The following EVC variants were observed in gnomAD, a reference collection of about 807,000 sequenced individuals.
EVC encodes the protein evC complex member EVC.
In EVC, 116 loss-of-function variants were observed where a neutral mutation model predicts 118.9. The ratio of observed to expected loss-of-function variants is 0.98; its 90% CI spans 0.84 to 1.14. The LOEUF is 1.14. Among genes scored for constraint, EVC ranks in the 50% most tolerant of loss-of-function variants. The probability of loss-of-function intolerance (pLI) is 0.00; values close to 1 mark genes in which losing one functional copy is unlikely to be tolerated. For synonymous variants in EVC, 619 were observed against 534.7 expected (o/e 1.16, Z -2.18); for missense variants, 1,401 against 1,246.4 (o/e 1.12, Z -1.87).
the EVC span, among the ~76,000 whole-genome samples, chr4:5,823,052 A>G: frequency 1.3e-5 from 2 of 152,148 alleles, no homozygotes; most frequent in East Asian, 3.9e-4. Flanking sequence ...TTTTTTTACT[A>G]GCTGCAGAAC....
chr4:5,755,477 A>T lies in EVC; in HGVS notation c.1465-787A>T, dbSNP rs1386963711. 6.6e-6 allele frequency among the ~76,000 whole-genome samples: 1 copy of T among 152,182 alleles called. No homozygotes were observed. The highest frequency in any genetic ancestry group is 2.4e-5 in the African/African-American group (1 of 41,442). On this transcript the variant is annotated intron_variant, in intron 10 of 20. Coordinates refer to ENST00000264956, the MANE Select transcript of EVC (RefSeq NM_153717.3). The surrounding 1 kb of genome is among the most constrained non-coding windows in gnomAD (Gnocchi z 4.1). ...AATGAACGAACGACACCAGGCTCCC[A>T]GTACACACTCAGCACCCACCTTTTT...
At chr4:5,771,368 A>G (rs1733927755) in intron 11 of EVC, among the ~76,000 whole-genome samples, 1 of 152,054 alleles carries the variant, frequency 6.6e-6, no homozygotes, top group Admixed American at 6.5e-5. Context: ...ATCTTCTCTG[A>G]CTGTGACCCT....
intron 11 of EVC, among the ~76,000 whole-genome samples, chr4:5,767,826 A>G (rs1733183686): frequency 6.6e-6 from 1 of 152,160 alleles, no homozygotes; most frequent in Non-Finnish European, 1.5e-5. Context: ...AGATGAACCC[A>G]GTACCTCATG....
chr4:5,711,511 T>G lies in EVC; in HGVS notation c.131T>G (p.Leu44Arg), dbSNP rs1403513535. Residue 44 changes from leucine to arginine, a missense_variant, in exon 1 of 21, where the codon CTT becomes CGT. Coordinates refer to ENST00000264956, the MANE Select transcript of EVC (RefSeq NM_153717.3). ...GCCGCGCTCGGCCTCGGCCTCGGCC[T>G]TTGGCTTGGCTGCCGCGCGGGCCGC... Reference protein sequence around the residue: ...LGAALGLGLGLWLGCRAGRQR... With the variant: ...LGAALGLGLGRWLGCRAGRQR... 1.6e-5 allele frequency: 18 copies of G among 1,139,068 alleles called. No homozygotes were observed. The highest frequency in any genetic ancestry group is 4.9e-5 in the Admixed American group (1 of 20,556). 70.6% of individuals were successfully genotyped at this position (1,139,068 alleles called of 1,614,324 possible).
At chr4:5,715,808 A>C (rs1003012767) in intron 1 of EVC, among the ~76,000 whole-genome samples, 1 of 145,378 alleles carries the variant, frequency 6.9e-6, no homozygotes, top group Admixed American at 7.1e-5. Context: ...CAGTAGTGCA[A>C]TCTCGGCTCA....
At chr4:5,792,921 A>T (rs1035025177) in intron 12 of EVC, among the ~76,000 whole-genome samples, 1 of 152,232 alleles carries the variant, frequency 6.6e-6, no homozygotes, top group Non-Finnish European at 1.5e-5. Context: ...GAGAAATGGC[A>T]TGTTTTGGGG....
At chr4:5,741,888 A>G in intron 6 of EVC, 74 bp downstream of exon 6, 1 of 777,116 alleles carries the variant, frequency 1.3e-6, no homozygotes, top group Non-Finnish European at 2.1e-6. Context: ...TGATGCAAAA[A>G]TTTTTTTCTT....
chr4:5,712,910 T>C (rs1348185268), intron 1 of EVC, among the ~76,000 whole-genome samples: 1 of 152,094 alleles, frequency 6.6e-6, no homozygotes, highest in African/African-American at 2.4e-5. Context: ...GCCCATGAGG[T>C]GGAGGAACTG....
chr4:5,823,760 G>C, the EVC span, among the ~76,000 whole-genome samples: 1 of 152,140 alleles, frequency 6.6e-6, no homozygotes, highest in African/African-American at 2.4e-5. Context: ...CTGGCACCGT[G>C]CTGCTTGTAC....
chr4:5,748,036 T>G, intron 7 of EVC, 112 bp from the exon 8 acceptor site: 1 of 1,198,856 alleles, frequency 8.3e-7, no homozygotes, highest in Non-Finnish European at 1.2e-6. Flanking sequence ...GTAGAATTGT[T>G]TAGAATCTTT....
intron 11 of EVC, among the ~76,000 whole-genome samples, chr4:5,780,375 G>C (rs762024101): frequency 2.0e-5 from 3 of 152,266 alleles, no homozygotes; most frequent in East Asian, 1.9e-4. Flanking sequence ...CTAAGGGTAT[G>C]AGTCCAAGAG....
In EVC at chr4:5,719,740, C is replaced by T. The variant is rs1054995089; in HGVS notation, c.300+367C>T. On this transcript the variant is annotated intron_variant, in intron 2 of 20. Coordinates refer to ENST00000264956, the MANE Select transcript of EVC (RefSeq NM_153717.3). The surrounding 1 kb of genome is among the most constrained non-coding windows in gnomAD (Gnocchi z 4.7). ...CTTATGCAAATGGAATTGTGCTGTT[C>T]TGTGCCTGTGTTCCCTCCACAGAAT... Among the ~76,000 whole-genome samples the T allele has an allele frequency of 2.0e-5, 3 of 152,156 alleles. No homozygotes were observed. The highest frequency in any genetic ancestry group is 7.2e-5 in the African/African-American group (3 of 41,426).
chr4:5,714,361 G>A (rs1409011337), intron 1 of EVC, among the ~76,000 whole-genome samples: 3 of 152,180 alleles, frequency 2.0e-5, no homozygotes, highest in Non-Finnish European at 4.4e-5. Flanking sequence ...ATAATTTAAA[G>A]TATTAGTTCA....
intron 13 of EVC, 34 bp downstream of exon 13, chr4:5,793,751 T>A (rs370339968): frequency 4.0e-6 from 6 of 1,483,164 alleles, no homozygotes; most frequent in East Asian, 2.5e-5. Flanking sequence ...CAGGGCTTTG[T>A]GTCCTGCATG....
chr4:5,827,035 G>T, the EVC span, among the ~76,000 whole-genome samples: 3 of 152,212 alleles, frequency 2.0e-5, no homozygotes, highest in African/African-American at 7.2e-5. Context: ...AAGCTCAGGT[G>T]GCCAGAGGCA....
chr4:5,719,580 C>A lies in EVC; in HGVS notation c.300+207C>A, dbSNP rs181479834. Among the ~76,000 whole-genome samples the A allele has an allele frequency of 2.2e-3, 334 of 152,286 alleles. No individual in the cohort carries two copies. The highest frequency in any genetic ancestry group is 7.5e-3 in the African/African-American group (310 of 41,556). On this transcript the variant is annotated intron_variant, in intron 2 of 20. Transcript: ENST00000264956. The surrounding 1 kb of genome is among the most constrained non-coding windows in gnomAD (Gnocchi z 4.7). ...TTTGACAATTGCATGCCCCTTAGAA[C>A]AAATACCCCCCTGAGAATGTTTTCA...
chr4:5,745,752 C>A (rs1729273548), intron 7 of EVC, among the ~76,000 whole-genome samples: 1 of 152,154 alleles, frequency 6.6e-6, no homozygotes, highest in Admixed American at 6.5e-5. Flanking sequence ...TGGGTTCCAC[C>A]ACCCCCTGTT....
At chr4:5,776,105 T>C (rs1240798657) in intron 11 of EVC, among the ~76,000 whole-genome samples, 3 of 152,186 alleles carry the variant, frequency 2.0e-5, no homozygotes, top group Admixed American at 2.0e-4. Context: ...AATTAAATTT[T>C]GTAAAATGCT....
At chr4:5,814,336 G>A (rs2152403557), downstream of EVC, 1 of 152,332 alleles carries the variant, frequency 6.6e-6, no homozygotes, top group Middle Eastern at 3.4e-3. Flanking sequence ...GAGACCGCAG[G>A]ATGAAGCCAG....
Sources: gnomAD v4.1 joint callset for allele counts (sites outside exome capture counted in the v4.1 genomes callset) on GRCh38, gnomAD v4.1.1 for gene constraint, Gnocchi (gnomAD v3.1) non-coding constraint, MANE v1.5 for transcripts, NCBI Gene and HGNC (gene_info 2026-07-23, HGNC 2026-07-21) for gene names.